The following SV2C variants were observed in gnomAD, a reference collection of about 807,000 sequenced individuals.
SV2C encodes the protein synaptic vesicle glycoprotein 2C, also known as solute carrier family 22 member B3.
A neutral mutation model predicts 79.7 loss-of-function variants in SV2C; 49 were observed. The observed-to-expected ratio is 0.61, with a 90% confidence interval of 0.49 to 0.78. SV2C has a LOEUF of 0.78. Among genes scored for constraint, SV2C ranks in the 30% least tolerant of loss-of-function variants. The probability of loss-of-function intolerance (pLI) is 0.00; values close to 1 mark genes in which losing one functional copy is unlikely to be tolerated. For synonymous variants in SV2C, 334 were observed against 333.2 expected, an observed-to-expected ratio of 1.00 and a Z score of -0.03; for missense variants, 833 against 912.9, an observed-to-expected ratio of 0.91 and a Z score of 1.13.
intron 4 of SV2C, among the ~76,000 whole-genome samples, chr5:76,283,905 T>A (rs1747269243): frequency 6.6e-6 from 1 of 152,190 alleles, no homozygotes; most frequent in African/African-American, 2.4e-5. Context: ...GGAAGTTACA[T>A]CACCTTCAGA....
At chr5:75,971,354 G>C in the SV2C span, among the ~76,000 whole-genome samples, 2 of 151,978 alleles carry the variant, frequency 1.3e-5, no homozygotes, top group African/African-American at 4.8e-5. Context: ...GAAATAAAGG[G>C]TATTCAATTA....
At chr5:75,864,827 T>C in the SV2C span, among the ~76,000 whole-genome samples, 1 of 152,232 alleles carries the variant, frequency 6.6e-6, no homozygotes, top group East Asian at 1.9e-4. Flanking sequence ...GCAACAGATT[T>C]AACACCAAGA....
chr5:76,226,909 G>A (rs1209179329), intron 4 of SV2C, among the ~76,000 whole-genome samples: 1 of 152,206 alleles, frequency 6.6e-6, no homozygotes, highest in African/African-American at 2.4e-5. Context: ...CTGGCAAGCA[G>A]TTGTGTCCTT....
chr5:76,190,746 A>G (rs1485554347), intron 2 of SV2C, among the ~76,000 whole-genome samples: 1 of 152,196 alleles, frequency 6.6e-6, no homozygotes, highest in Non-Finnish European at 1.5e-5. Flanking sequence ...AAACAAATGC[A>G]CCTACTTCTT....
At chr5:76,073,501 GTGTATATATATA>G in the SV2C span, among the ~76,000 whole-genome samples, 93 of 87,252 alleles carry the variant, frequency 1.1e-3, 2 homozygotes, top group African/African-American at 2.9e-3. Context: ...ATGTATGTGT[GTGTATATATATA>G]TATATATATA....
At chr5:75,953,668 T>G in the SV2C span, among the ~76,000 whole-genome samples, 3 of 151,904 alleles carry the variant, frequency 2.0e-5, no homozygotes, top group Admixed American at 6.6e-5. Context: ...AAGCAATGAC[T>G]GATGACAAAT....
chr5:76,089,626 C>T (rs1236135921), intron 1 of SV2C, among the ~76,000 whole-genome samples: 1 of 152,238 alleles, frequency 6.6e-6, no homozygotes, highest in East Asian at 1.9e-4. Context: ...AATGATTGAA[C>T]TAATTTACAT....
At chr5:75,882,480 T>C in the SV2C span, among the ~76,000 whole-genome samples, 2,435 of 151,450 alleles carry the variant, frequency 0.016, 34 homozygotes, top group African/African-American at 0.03. Flanking sequence ...GGAGGCATCA[T>C]GCTACCTGAC....
the SV2C span, among the ~76,000 whole-genome samples, chr5:75,997,101 G>A: frequency 1.3e-5 from 2 of 151,016 alleles, no homozygotes; most frequent in Non-Finnish European, 3.0e-5. Flanking sequence ...TGCCCATGCA[G>A]TATGATATTG....
At chr5:75,920,669 C>G in the SV2C span, 1 of 689,786 alleles carries the variant, frequency 1.4e-6, no homozygotes, top group East Asian at 2.6e-5. Flanking sequence ...ACTGCCCTCA[C>G]TCCTGCAGCT....
chr5:76,337,422 A>T (rs180776451), downstream of SV2C, among the ~76,000 whole-genome samples: 268 of 152,288 alleles, frequency 1.8e-3, 1 homozygote, highest in African/African-American at 6.1e-3. Flanking sequence ...AAACTCAATC[A>T]CATTCTGAGG....
the SV2C span, among the ~76,000 whole-genome samples, chr5:75,916,479 C>T: frequency 6.6e-6 from 1 of 150,418 alleles, no homozygotes; most frequent in African/African-American, 2.5e-5. Flanking sequence ...TCCTCCTCCT[C>T]TTTGTTTTGT....
the SV2C span, among the ~76,000 whole-genome samples, chr5:75,893,634 A>G: frequency 1.3e-5 from 2 of 152,080 alleles, no homozygotes; most frequent in Admixed American, 6.6e-5. Context: ...AAAACTACCT[A>G]TTGGGTACTA....
At chr5:76,030,289 T>TTTTTTTTAATTTATTTATTTA in the SV2C span, among the ~76,000 whole-genome samples, 3 of 117,874 alleles carry the variant, frequency 2.5e-5, no homozygotes, top group African/African-American at 1.2e-4. Context: ...TTTTTTTTTT[T>TTTTTTTTAATTTATTTATTTA]TTTATTTATT....
intron 1 of SV2C, among the ~76,000 whole-genome samples, chr5:76,108,106 G>A (rs1219477353): frequency 6.6e-6 from 1 of 152,148 alleles, no homozygotes; most frequent in African/African-American, 2.4e-5. Context: ...TGGTCTACAT[G>A]GAGCATAGGG....
At chr5:76,168,799 TCCAGGGCAGTG>T (rs1024612426) in intron 2 of SV2C, among the ~76,000 whole-genome samples, 3 of 152,192 alleles carry the variant, frequency 2.0e-5, no homozygotes, top group African/African-American at 7.2e-5. Flanking sequence ...GACATCATGT[TCCAGGGCAGTG>T]CCAGCGACAC....
chr5:75,952,248 T>TTCCTTCCG, the SV2C span, among the ~76,000 whole-genome samples: 257 of 17,820 alleles, frequency 0.014, 4 homozygotes, highest in South Asian at 0.041. Flanking sequence ...CTCCTGCATT[T>TTCCTTCCG]TCCTTCCTTC....
intron 4 of SV2C, among the ~76,000 whole-genome samples, chr5:76,236,720 C>A (rs2112411883): frequency 6.6e-6 from 1 of 152,264 alleles, no homozygotes; most frequent in Non-Finnish European, 1.5e-5. Context: ...GATAGATCTA[C>A]CTCCATGACC....
intron 2 of SV2C, among the ~76,000 whole-genome samples, chr5:76,152,129 C>T (rs570187891): frequency 7.9e-5 from 12 of 152,238 alleles, no homozygotes; most frequent in African/African-American, 2.9e-4. Flanking sequence ...ATGAGTGCTT[C>T]TGAGGGGACG....
Sources: gnomAD v4.1 joint callset for allele counts (sites outside exome capture counted in the v4.1 genomes callset) on GRCh38, gnomAD v4.1.1 for gene constraint, MANE v1.5 for transcripts, NCBI Gene and HGNC (gene_info 2026-07-23, HGNC 2026-07-21) for gene names.